The following LAPTM5 variants were observed in gnomAD, a reference collection of about 807,000 sequenced individuals.
LAPTM5 encodes the protein lysosomal protein transmembrane 5.
A neutral mutation model predicts 30.1 loss-of-function variants in LAPTM5; 11 were observed. That is an observed-to-expected ratio of 0.37 (90% CI 0.23 to 0.60). The LOEUF (loss-of-function observed/expected upper bound fraction) is 0.60, where lower values mean the gene tolerates loss of function less well. Among genes scored for constraint, LAPTM5 ranks in the 20% least tolerant of loss-of-function variants. LAPTM5 has a pLI of 0.71. For missense variants in LAPTM5, 324 were observed against 332.5 expected (o/e 0.97, Z 0.20); for synonymous variants, 151 against 137.9 (o/e 1.10, Z -0.67).
chr1:30,753,964 T>C (rs945940833), intron 1 of LAPTM5, among the ~76,000 whole-genome samples: 2 of 152,144 alleles, frequency 1.3e-5, no homozygotes, highest in Admixed American at 6.5e-5. Flanking sequence ...GTAGAAAAAA[T>C]AGAGCTTTCA....
intron 1 of LAPTM5, among the ~76,000 whole-genome samples, chr1:30,747,299 C>T (rs953027831): frequency 2.0e-5 from 3 of 152,152 alleles, no homozygotes; most frequent in Non-Finnish European, 4.4e-5. Context: ...TCAGAAGGCA[C>T]GGGAGTGTCT....
chr1:30,737,159 C>T (rs1056514919), intron 6 of LAPTM5, among the ~76,000 whole-genome samples: 1 of 152,224 alleles, frequency 6.6e-6, no homozygotes. Flanking sequence ...CATTCCCCTC[C>T]TGCCTTCTCA....
chr1:30,742,392 T>C (rs992696033), intron 2 of LAPTM5, 64 bp downstream of exon 2: 9 of 1,170,872 alleles, frequency 7.7e-6, no homozygotes, highest in Non-Finnish European at 1.1e-5. Flanking sequence ...AGCCTGGCTA[T>C]CCCTGGCCAG....
At chr1:30,752,450 G>A (rs1240300833) in intron 1 of LAPTM5, among the ~76,000 whole-genome samples, 1 of 152,056 alleles carries the variant, frequency 6.6e-6, no homozygotes, top group Non-Finnish European at 1.5e-5. Flanking sequence ...TGACAAACCT[G>A]CTAGGTCTCT....
intron 7 of LAPTM5, among the ~76,000 whole-genome samples, chr1:30,734,632 C>A (rs890225460): frequency 6.6e-6 from 1 of 152,232 alleles, no homozygotes; most frequent in African/African-American, 2.4e-5. Context: ...ACAATCTCCA[C>A]CTTACAGGTG....
chr1:30,741,588 G>T, intron 3 of LAPTM5, 52 bp downstream of exon 3: 1 of 1,404,584 alleles, frequency 7.1e-7, no homozygotes, highest in Non-Finnish European at 9.7e-7. Context: ...CACCACCAGT[G>T]GGTGTGAATA....
chr1:30,756,669 C>G (rs146571415), intron 1 of LAPTM5, among the ~76,000 whole-genome samples: 2,224 of 152,320 alleles, frequency 0.015, 44 homozygotes, highest in African/African-American at 0.048. Flanking sequence ...CTCTGCCTGC[C>G]CTGCCTGTGA....
intron 5 of LAPTM5, among the ~76,000 whole-genome samples, chr1:30,738,457 C>A (rs1216301438): frequency 6.6e-6 from 1 of 152,156 alleles, no homozygotes; most frequent in East Asian, 1.9e-4. Context: ...TCTAATCAAG[C>A]CCTCAGTTGT....
At chr1:30,748,178 G>T (rs1640074977) in intron 1 of LAPTM5, among the ~76,000 whole-genome samples, 1 of 152,090 alleles carries the variant, frequency 6.6e-6, no homozygotes, top group Non-Finnish European at 1.5e-5. Flanking sequence ...CCGTCAGTGA[G>T]CACACACCCG....
In LAPTM5 at chr1:30,750,529, G is replaced by C. The variant is rs114678198; in HGVS notation, c.87+7130C>G. On this transcript the variant is annotated intron_variant, in intron 1 of 7. Transcript: ENST00000294507. ...ACCTCGCGCCAGTCTTGAGAGACAG[G>C]TTCTAACATGAGTCCCATATTTTTC... 1.7e-3 allele frequency among the ~76,000 whole-genome samples: 255 copies of C among 152,276 alleles called. 1 individual carries two copies. Among genetic ancestry groups the C allele is most frequent in the African/African-American group, 5.9e-3 (247 of 41,544 alleles).
At chr1:30,748,663 C>T (rs896532112) in intron 1 of LAPTM5, among the ~76,000 whole-genome samples, 6 of 152,238 alleles carry the variant, frequency 3.9e-5, no homozygotes, top group Admixed American at 2.6e-4. Context: ...CCAGATACCA[C>T]CAGACGCCCC....
intron 6 of LAPTM5, among the ~76,000 whole-genome samples, chr1:30,737,052 G>A (rs1291521606): frequency 6.6e-6 from 1 of 152,086 alleles, no homozygotes; most frequent in African/African-American, 2.4e-5. Context: ...TGGTTGTACT[G>A]CTGTGAACAC....
rs1639829756 is a variant in LAPTM5, at chr1:30,732,757, G to A, written c.*1071C>T. The A allele has an allele frequency of 6.6e-6, 1 of 152,202 alleles. No individual in the cohort carries two copies. Among genetic ancestry groups the A allele is most frequent in the African/African-American group, 2.4e-5 (1 of 41,432 alleles). The allele number at this position is 152,202 out of a possible 1,614,324, so 9.4% of individuals were successfully genotyped here. On this transcript the variant is annotated 3_prime_UTR_variant, in exon 8 of 8. Coordinates refer to ENST00000294507, the MANE Select transcript of LAPTM5 (RefSeq NM_006762.3). Reference sequence around the variant, plus strand: ...CACAAGGGGGTTGCCTGCTTTGACTGAACTAACCTGTGGGTTTAGTCCAAC... The same window carrying A: ...CACAAGGGGGTTGCCTGCTTTGACTAAACTAACCTGTGGGTTTAGTCCAAC...
At chr1:30,741,534 G>A (rs1027386772) in intron 3 of LAPTM5, 106 bp downstream of exon 3, 8 of 663,900 alleles carry the variant, frequency 1.2e-5, no homozygotes, top group African/African-American at 5.7e-5. Flanking sequence ...AGGTGGGACC[G>A]CCTAACATAC....
Position 30,750,790 on chromosome 1 carries a change from G to A in LAPTM5, c.87+6869C>T, listed in dbSNP as rs538896371. ...CCTCATCTGTAAAATGGAGGCCCCC[G>A]TGGCAGCTGCCATTTTTCCGGTGCC... is the stretch of plus-strand genomic sequence containing the variant. On this transcript the variant is annotated intron_variant, in intron 1 of 7. Coordinates refer to ENST00000294507, the MANE Select transcript of LAPTM5 (RefSeq NM_006762.3). Among the ~76,000 whole-genome samples, 11 of 152,300 alleles carry A rather than the reference G, an allele frequency of 7.2e-5. No homozygotes were observed. In the South Asian group the frequency reaches 1.5e-3, roughly 20 times the overall value.
At chr1:30,744,755 G>A (rs557873787) in intron 1 of LAPTM5, among the ~76,000 whole-genome samples, 2 of 152,102 alleles carry the variant, frequency 1.3e-5, no homozygotes, top group South Asian at 4.2e-4. Context: ...CCATTCCCCT[G>A]ACCCCCAAAA....
intron 1 of LAPTM5, among the ~76,000 whole-genome samples, chr1:30,743,817 T>TTC (rs1640006863): frequency 6.7e-6 from 1 of 149,558 alleles, no homozygotes; most frequent in African/African-American, 2.5e-5. Context: ...TTTTTTTTTT[T>TTC]AGCTCAGACA....
At chr1:30,756,309 C>T (rs766304668) in intron 1 of LAPTM5, among the ~76,000 whole-genome samples, 3 of 152,204 alleles carry the variant, frequency 2.0e-5, no homozygotes, top group Non-Finnish European at 2.9e-5. Context: ...CCTCCCAAAA[C>T]TAGAGTCCTT....
chr1:30,750,741 T>C (rs1640124000), intron 1 of LAPTM5, among the ~76,000 whole-genome samples: 1 of 151,968 alleles, frequency 6.6e-6, no homozygotes, highest in African/African-American at 2.4e-5. Flanking sequence ...GGCTGCAGAG[T>C]CACTTGCCCT....
Sources: gnomAD v4.1 joint callset for allele counts (sites outside exome capture counted in the v4.1 genomes callset) on GRCh38, gnomAD v4.1.1 for gene constraint, MANE v1.5 for transcripts, NCBI Gene and HGNC (gene_info 2026-07-23, HGNC 2026-07-21) for gene names.